The following PDS5B variants were observed in gnomAD, a reference collection of about 807,000 sequenced individuals.
The protein encoded by PDS5B is sister chromatid cohesion protein PDS5 homolog B.
Under a neutral mutation model 184.1 loss-of-function variants are expected in PDS5B, and 51 were observed. That is an observed-to-expected ratio of 0.28 (90% CI 0.22 to 0.35). The LOEUF is 0.35. PDS5B is among the 10% of genes least tolerant of loss of function. The pLI is 1.00. For missense variants in PDS5B, 1,180 were observed against 1,723.3 expected (o/e 0.68, Z 5.58); for synonymous variants, 566 against 569.2 (o/e 0.99, Z 0.08).
chr13:32,654,779 T>C (rs1950459158), intron 3 of PDS5B, among the ~76,000 whole-genome samples: 1 of 152,174 alleles, frequency 6.6e-6, no homozygotes, highest in Admixed American at 6.5e-5. Flanking sequence ...TGAGAACATG[T>C]GGTATTTGGT....
At position 32,773,207 on chromosome 13, in the gene PDS5B, A is replaced by T; in HGVS notation, c.4191A>T (p.Lys1397Asn). ...ACTCTAGCCGTGTAGGACGCTCCAA[A>T]CAAGCAGCTACTAAGGAAAATGATT... The part of the protein sequence containing the change: ...PKKNVRVGRS[K>N]QAATKENDSS... The change falls in exon 34 of 35, where the codon AAA becomes AAT. Residue 1397 changes from lysine (K) to asparagine (N), a missense_variant. Transcript: ENST00000315596. 1 of 1,612,518 alleles carries T rather than the reference A, an allele frequency of 6.2e-7. No homozygotes were observed. The highest frequency in any genetic ancestry group is 2.2e-5 in the East Asian group (1 of 44,786).
rs1176004991 is a variant in PDS5B, at chr13:32,776,776, A to G, written c.*1724A>G. The G allele has an allele frequency of 6.6e-6, 1 of 152,490 alleles. No individual in the cohort carries two copies. Among genetic ancestry groups the G allele is most frequent in the Non-Finnish European group, 1.5e-5 (1 of 67,902 alleles). 9.4% of individuals were successfully genotyped at this position (152,490 alleles called of 1,614,324 possible). On this transcript the variant is annotated 3_prime_UTR_variant, in exon 35 of 35. Coordinates refer to ENST00000315596, the MANE Select transcript of PDS5B (RefSeq NM_015032.4). The stretch of plus-strand genomic sequence containing the variant: ...TTTACTATTTGCCAATGTATATTGC[A>G]ATTGATGTGATTATTTTTCTTTTAA...
chr13:32,627,559 C>T (rs565227677), intron 1 of PDS5B, among the ~76,000 whole-genome samples: 2 of 152,006 alleles, frequency 1.3e-5, no homozygotes, highest in African/African-American at 4.8e-5. Flanking sequence ...TCTAGCAGAA[C>T]CATTTTCTTT....
intron 24 of PDS5B, among the ~76,000 whole-genome samples, chr13:32,749,066 T>C (rs1409372813): frequency 6.6e-6 from 1 of 152,202 alleles, no homozygotes; most frequent in Admixed American, 6.5e-5. Context: ...TAAAAACAAC[T>C]GCACGTATTT....
intron 6 of PDS5B, among the ~76,000 whole-genome samples, chr13:32,661,000 TATAA>T (rs952142997): frequency 7.2e-5 from 11 of 152,302 alleles, no homozygotes; most frequent in African/African-American, 2.4e-4. Context: ...TAAAAAAAAT[TATAA>T]ATACTCTTGA....
At chr13:32,730,973 CCAATA>C (rs1316863651) in intron 19 of PDS5B, among the ~76,000 whole-genome samples, 4 of 152,196 alleles carry the variant, frequency 2.6e-5, no homozygotes, top group Non-Finnish European at 1.5e-5. Context: ...GCCAGAACTT[CCAATA>C]CTATGTTGAA....
intron 19 of PDS5B, among the ~76,000 whole-genome samples, chr13:32,714,790 AAAC>A (rs1952321741): frequency 6.6e-6 from 1 of 152,162 alleles, no homozygotes; most frequent in South Asian, 2.1e-4. Context: ...CATATTGCTC[AAAC>A]ACACATGCTA....
intron 19 of PDS5B, among the ~76,000 whole-genome samples, chr13:32,718,820 G>A (rs564773586): frequency 1.5e-4 from 23 of 152,112 alleles, no homozygotes; most frequent in Non-Finnish European, 2.9e-4. Context: ...CATTATTATG[G>A]GAGTAAACAT....
chr13:32,586,885 GA>G (rs201753444), intron 1 of PDS5B, among the ~76,000 whole-genome samples: 143,399 of 143,420 alleles, frequency 1, 71,689 homozygotes, highest in Middle Eastern at 1. Context: ...GCAGCCTCTG[GA>G]AAATTAAACT....
chr13:32,700,128 G>A (rs560994905), intron 16 of PDS5B, among the ~76,000 whole-genome samples: 20 of 152,038 alleles, frequency 1.3e-4, no homozygotes, highest in African/African-American at 4.6e-4. Context: ...TAGCTCCATA[G>A]CATACCACTG....
chr13:32,765,767 C>A (rs1430955973), intron 31 of PDS5B, among the ~76,000 whole-genome samples: 1 of 152,154 alleles, frequency 6.6e-6, no homozygotes, highest in Non-Finnish European at 1.5e-5. Context: ...GCATGCGTAG[C>A]CAATTTTTGT....
rs1411648394 is a variant in PDS5B, at chr13:32,678,554, CT to C, written c.963-275del. ...TTTGAGAGTATAACGTTGATAGGAA[CT>C]TTTTTATCATTCTTATATTTGAGCC... On this transcript the variant is annotated intron_variant, in intron 9 of 34. Coordinates refer to ENST00000315596, the MANE Select transcript of PDS5B (RefSeq NM_015032.4). Among the ~76,000 whole-genome samples the C allele has an allele frequency of 4.6e-5, 7 of 152,200 alleles. No homozygotes were observed. The East Asian group carries it at 1.4e-3, about 29-fold the overall frequency.
At chr13:32,728,143 T>A (rs1321047967) in intron 19 of PDS5B, among the ~76,000 whole-genome samples, 1 of 151,802 alleles carries the variant, frequency 6.6e-6, no homozygotes, top group Non-Finnish European at 1.5e-5. Flanking sequence ...TGTTCTTTTT[T>A]TATATTTTTA....
intron 22 of PDS5B, among the ~76,000 whole-genome samples, chr13:32,741,699 C>CTCTG (rs371056675): frequency 4.0e-4 from 56 of 139,274 alleles, no homozygotes; most frequent in Admixed American, 3.8e-3. Context: ...CCCTTTCAGT[C>CTCTG]TGTGTGTGTG....
intron 25 of PDS5B, among the ~76,000 whole-genome samples, chr13:32,755,147 T>C (rs1172107800): frequency 6.6e-6 from 1 of 152,210 alleles, no homozygotes; most frequent in African/African-American, 2.4e-5. Flanking sequence ...TTTATATTTT[T>C]ATTTGGCAAA....
At chr13:32,773,115 A>C in intron 33 of PDS5B, 74 bp from the exon 34 acceptor site, 1 of 1,285,158 alleles carries the variant, frequency 7.8e-7, no homozygotes, top group Admixed American at 2.4e-5. Flanking sequence ...GAAATACGTG[A>C]AACATTTCTT....
chr13:32,642,423 A>G (rs1282559185), intron 1 of PDS5B, among the ~76,000 whole-genome samples: 2 of 152,178 alleles, frequency 1.3e-5, no homozygotes, highest in Non-Finnish European at 2.9e-5. Flanking sequence ...TGCTAATTGT[A>G]GTAGGTTCAA....
chr13:32,682,473 A>T (rs1951274693), intron 10 of PDS5B, among the ~76,000 whole-genome samples: 1 of 152,112 alleles, frequency 6.6e-6, no homozygotes, highest in African/African-American at 2.4e-5. Flanking sequence ...TTGTTAATTT[A>T]TTCTTTATTA....
intron 1 of PDS5B, among the ~76,000 whole-genome samples, chr13:32,589,035 A>T (rs185227250): frequency 1.2e-4 from 19 of 152,368 alleles, no homozygotes; most frequent in Admixed American, 1.1e-3. Flanking sequence ...ATGATTTGGC[A>T]TACGGACTCT....
Sources: gnomAD v4.1 joint callset for allele counts (sites outside exome capture counted in the v4.1 genomes callset) on GRCh38, gnomAD v4.1.1 for gene constraint, MANE v1.5 for transcripts, NCBI Gene and HGNC (gene_info 2026-07-23, HGNC 2026-07-21) for gene names.